BMPR1B: variants seen among roughly 807,000 people sequenced by gnomAD.
BMPR1B encodes bone morphogenetic protein receptor type 1B, also known as bone morphogenetic protein receptor type-1B.
BMPR1B carries 12 observed loss-of-function variants against 59.1 expected under a neutral mutation model. That is an observed-to-expected ratio of 0.20 (90% CI 0.13 to 0.33). BMPR1B has a LOEUF of 0.33. Among genes scored for constraint, BMPR1B ranks in the 10% least tolerant of loss-of-function variants. BMPR1B has a pLI of 1.00. For missense variants in BMPR1B, 550 were observed against 610.9 expected (o/e 0.90, Z 1.05); for synonymous variants, 237 against 207.3 (o/e 1.14, Z -1.23).
At chr4:95,143,397 T>C (rs1424005675) in intron 10 of BMPR1B, among the ~76,000 whole-genome samples, 2 of 152,214 alleles carry the variant, frequency 1.3e-5, no homozygotes. Flanking sequence ...CCCTGGCACC[T>C]TCAGAGGAGA....
intron 3 of BMPR1B, among the ~76,000 whole-genome samples, chr4:95,005,877 G>A (rs1445140277): frequency 1.3e-5 from 2 of 152,184 alleles, no homozygotes; most frequent in Admixed American, 1.3e-4. Context: ...GTTATAAAAT[G>A]TAAAACTGCA....
At chr4:94,929,322 G>A (rs912721051) in intron 2 of BMPR1B, among the ~76,000 whole-genome samples, 16 of 152,068 alleles carry the variant, frequency 1.1e-4, no homozygotes, top group African/African-American at 3.9e-4. Flanking sequence ...AATATGTGCC[G>A]TGACCTATGC....
intron 2 of BMPR1B, among the ~76,000 whole-genome samples, chr4:94,953,787 A>G (rs539614819): frequency 6.6e-6 from 1 of 152,024 alleles, no homozygotes; most frequent in South Asian, 2.1e-4. Context: ...TATTTCCTAA[A>G]TTTGAATGTT....
chr4:94,783,517 T>C (rs1427539174), intron 1 of BMPR1B, among the ~76,000 whole-genome samples: 1 of 152,206 alleles, frequency 6.6e-6, no homozygotes, highest in African/African-American at 2.4e-5. Flanking sequence ...TCTGTTCTTA[T>C]GAAGTGTCTC....
chr4:94,884,805 A>G (rs976644799), intron 2 of BMPR1B, among the ~76,000 whole-genome samples: 2 of 152,146 alleles, frequency 1.3e-5, no homozygotes, highest in Non-Finnish European at 2.9e-5. Context: ...AGTTGTTCCT[A>G]TTAAGAAGTG....
intron 2 of BMPR1B, among the ~76,000 whole-genome samples, chr4:94,962,241 G>A (rs544263142): frequency 6.6e-6 from 1 of 151,488 alleles, no homozygotes; most frequent in East Asian, 1.9e-4. Flanking sequence ...AGGTTCATGC[G>A]ATTCTCTTGC....
chr4:95,152,847 TA>T, intron 12 of BMPR1B, 74 bp downstream of exon 12: 1 of 1,547,224 alleles, frequency 6.5e-7, no homozygotes, highest in Non-Finnish European at 8.8e-7. Flanking sequence ...AAATTCCACA[TA>T]TTGATTGTAG....
chr4:94,961,693 A>G (rs1730359683), intron 2 of BMPR1B, among the ~76,000 whole-genome samples: 1 of 152,082 alleles, frequency 6.6e-6, no homozygotes. Flanking sequence ...AGGTCATAAC[A>G]TTTTTGCTTG....
At chr4:95,018,393 T>G (rs1385743495) in intron 3 of BMPR1B, among the ~76,000 whole-genome samples, 1 of 152,166 alleles carries the variant, frequency 6.6e-6, no homozygotes, top group East Asian at 1.9e-4. Flanking sequence ...AAACAAATAA[T>G]GAAGCCATTT....
intron 2 of BMPR1B, among the ~76,000 whole-genome samples, chr4:94,948,139 A>G (rs377133809): frequency 1.6e-4 from 24 of 152,328 alleles, no homozygotes; most frequent in African/African-American, 5.1e-4. Context: ...CTCTGTCCTT[A>G]GCTTCTTCCT....
chr4:95,051,614 G>A (rs542689449), intron 3 of BMPR1B: 5 of 1,250,704 alleles, frequency 4.0e-6, no homozygotes, highest in African/African-American at 1.5e-5. Context: ...GACAAGAGTG[G>A]CAGCAGAGGC....
intron 2 of BMPR1B, among the ~76,000 whole-genome samples, chr4:94,992,108 G>C (rs1721794852): frequency 6.6e-6 from 1 of 152,136 alleles, no homozygotes; most frequent in Non-Finnish European, 1.5e-5. Context: ...CAGCCACTCA[G>C]AGAAGAGCCC....
chr4:94,939,363 T>G (rs1288273084), intron 2 of BMPR1B, among the ~76,000 whole-genome samples: 1 of 152,196 alleles, frequency 6.6e-6, no homozygotes, highest in African/African-American at 2.4e-5. Context: ...ATTAAAGTCT[T>G]CAATAATCTT....
intron 2 of BMPR1B, among the ~76,000 whole-genome samples, chr4:94,887,322 C>T (rs1578763088): frequency 7.7e-6 from 1 of 129,612 alleles, no homozygotes; most frequent in East Asian, 2.4e-4. Context: ...AAAAATCATA[C>T]AAATCTATTG....
intron 2 of BMPR1B, among the ~76,000 whole-genome samples, chr4:94,923,170 A>G (rs1728768601): frequency 6.6e-6 from 1 of 152,150 alleles, no homozygotes; most frequent in Admixed American, 6.6e-5. Flanking sequence ...ACTGTTCTAT[A>G]GAATGTCCTT....
intron 3 of BMPR1B, among the ~76,000 whole-genome samples, chr4:95,095,098 A>G (rs957018095): frequency 3.9e-5 from 6 of 151,942 alleles, no homozygotes; most frequent in Admixed American, 3.9e-4. Flanking sequence ...GATTTATTTG[A>G]AAGTACTTTA....
chr4:94,854,489 A>G (rs531868553), intron 1 of BMPR1B, among the ~76,000 whole-genome samples: 50 of 152,318 alleles, frequency 3.3e-4, no homozygotes, highest in African/African-American at 1.1e-3. Context: ...GATAACGGTG[A>G]CAAGGCTCTG....
chr4:95,057,826 T>G (rs1003221656), intron 3 of BMPR1B, among the ~76,000 whole-genome samples: 1 of 152,190 alleles, frequency 6.6e-6, no homozygotes, highest in Non-Finnish European at 1.5e-5. Context: ...ATTTATCAAC[T>G]AAATGTTTTG....
chr4:95,103,087 ATAATC>A (rs1730941637), intron 3 of BMPR1B, among the ~76,000 whole-genome samples: 1 of 152,256 alleles, frequency 6.6e-6, no homozygotes, highest in East Asian at 1.9e-4. Context: ...ATAAATTTGA[ATAATC>A]TAATGAAATA....
Sources: gnomAD v4.1 joint callset for allele counts (sites outside exome capture counted in the v4.1 genomes callset) on GRCh38, gnomAD v4.1.1 for gene constraint, MANE v1.5 for transcripts, NCBI Gene and HGNC (gene_info 2026-07-23, HGNC 2026-07-21) for gene names.